The following NDE1 variants were observed in gnomAD, a reference collection of about 807,000 sequenced individuals.
NDE1 encodes the protein nudE neurodevelopment protein 1.
In NDE1, 28 loss-of-function variants were observed where a neutral mutation model predicts 43.4. The ratio of observed to expected loss-of-function variants is 0.65; its 90% CI spans 0.48 to 0.89. The LOEUF (loss-of-function observed/expected upper bound fraction) is 0.89. Ranked by LOEUF, NDE1 falls within the 40% of genes least tolerant of loss-of-function variation. NDE1 has a pLI of 0.00. For missense variants in NDE1, 441 were observed against 434.1 expected (o/e 1.02, Z -0.14); for synonymous variants, 184 against 172.0 (o/e 1.07, Z -0.55).
intron 8 of NDE1, chr16:15,708,861 C>G: frequency 6.2e-7 from 1 of 1,608,192 alleles, no homozygotes; most frequent in East Asian, 2.2e-5. Context: ...AGAGAGAATC[C>G]CCGGAGGTTA....
In NDE1 at chr16:15,719,671, C is replaced by T. The variant is rs2040362299; in HGVS notation, c.948-4520C>T. ...GTGGCAAAGATCTCATCTCTGGAGG[C>T]ACGGGCATCTTCCAGCTCTCTTTGA... is the stretch of plus-strand genomic sequence containing the variant. On this transcript the variant is annotated intron_variant, in intron 8 of 8. Transcript: ENST00000396354. 3.1e-6 allele frequency: 5 copies of T among 1,614,082 alleles called. No individual in the cohort carries two copies. In the South Asian group the frequency reaches 5.5e-5, roughly 18 times the overall value.
intron 1 of NDE1, among the ~76,000 whole-genome samples, chr16:15,650,821 C>G (rs2036463874): frequency 6.6e-6 from 1 of 152,138 alleles, no homozygotes; most frequent in Non-Finnish European, 1.5e-5. Context: ...TGCAGCGTTG[C>G]CCCTGCCCTC....
chr16:15,665,873 C>T (rs368936823), intron 2 of NDE1, among the ~76,000 whole-genome samples: 9 of 152,042 alleles, frequency 5.9e-5, no homozygotes, highest in African/African-American at 2.2e-4. Context: ...TCTCTTGCCT[C>T]AGCCTCCCGA....
chr16:15,723,112 T>A (rs2040571300), intron 8 of NDE1, among the ~76,000 whole-genome samples: 1 of 152,238 alleles, frequency 6.6e-6, no homozygotes, highest in Non-Finnish European at 1.5e-5. Context: ...AATAATAATG[T>A]ATCTTAAAAG....
At chr16:15,711,591 G>T (rs542165886) in intron 8 of NDE1, among the ~76,000 whole-genome samples, 1 of 152,342 alleles carries the variant, frequency 6.6e-6, no homozygotes, top group African/African-American at 2.4e-5. Flanking sequence ...ATTAAAGGTA[G>T]TAAGAGGCTC....
intron 4 of NDE1, chr16:15,684,515 C>A (rs1325723410): frequency 6.6e-6 from 1 of 151,128 alleles, no homozygotes; most frequent in South Asian, 2.1e-4. Context: ...ATCATTTGAA[C>A]CCCGGAGGCA....
In NDE1 at chr16:15,699,562, G is replaced by T. The variant is rs759545440; in HGVS notation, c.947+2702G>T. Reference sequence around the variant, plus strand: ...TTTTGTGTGACCTTGGAATCTGAGAGCCAGGTAGCCAGTGTCCTCTTCTTC... The same window carrying T: ...TTTTGTGTGACCTTGGAATCTGAGATCCAGGTAGCCAGTGTCCTCTTCTTC... On this transcript the variant is annotated intron_variant, in intron 8 of 8. Coordinates refer to ENST00000396354, the MANE Select transcript of NDE1 (RefSeq NM_017668.3). 3 of 1,186,510 alleles carry T rather than the reference G, an allele frequency of 2.5e-6. No homozygotes were observed. The South Asian group carries it at 4.7e-5, about 19-fold the overall frequency. The allele number at this position is 1,186,510 out of a possible 1,614,324, so 73.5% of individuals were successfully genotyped here. A position where few individuals can be genotyped will look rare whatever the true frequency, so the allele number is the denominator to read the frequency against.
At chr16:15,644,862 T>A (rs925330478) in intron 1 of NDE1, among the ~76,000 whole-genome samples, 5 of 151,838 alleles carry the variant, frequency 3.3e-5, no homozygotes, top group East Asian at 3.9e-4. Flanking sequence ...TTGCTTTTTT[T>A]AAAAAATAGT....
intron 8 of NDE1, among the ~76,000 whole-genome samples, chr16:15,711,917 T>A (rs2039821165): frequency 6.6e-6 from 1 of 152,194 alleles, no homozygotes; most frequent in South Asian, 2.1e-4. Context: ...GGCCTTGAAC[T>A]CCTGACCTCA....
At chr16:15,690,744 C>G (rs1022292448) in intron 5 of NDE1, among the ~76,000 whole-genome samples, 9 of 151,942 alleles carry the variant, frequency 5.9e-5, no homozygotes, top group South Asian at 2.1e-4. Context: ...GGTCTTTTTT[C>G]TGACTGGTAT....
At chr16:15,669,890 C>T (rs544794410) in intron 3 of NDE1, among the ~76,000 whole-genome samples, 52 of 152,330 alleles carry the variant, frequency 3.4e-4, no homozygotes, top group African/African-American at 1.2e-3. Context: ...AAAAGCACCT[C>T]TAGACATAGC....
intron 4 of NDE1, chr16:15,686,286 A>G (rs1567647767): frequency 3.6e-6 from 3 of 831,734 alleles, no homozygotes; most frequent in Non-Finnish European, 4.3e-6. Context: ...CCCCACCACA[A>G]TCCTGCATGA....
intron 3 of NDE1, among the ~76,000 whole-genome samples, chr16:15,672,188 A>C (rs2037630877): frequency 6.6e-6 from 1 of 152,022 alleles, no homozygotes; most frequent in Non-Finnish European, 1.5e-5. Context: ...TAATGCCAGC[A>C]CTTTGGGAGA....
Position 15,724,906 on chromosome 16 carries a change from G to A in NDE1, c.*655G>A. On this transcript the variant is annotated 3_prime_UTR_variant, in exon 9 of 9. Coordinates refer to ENST00000396354, the MANE Select transcript of NDE1 (RefSeq NM_017668.3). The stretch of plus-strand genomic sequence containing the variant: ...CACTCACCTGGGTGTCCTGGAGCTG[G>A]GAACTGAGGGACGCCACGTCCTTGG... 1.9e-6 allele frequency: 3 copies of A among 1,614,150 alleles called. No homozygotes were observed. The highest frequency in any genetic ancestry group is 2.5e-6 in the Non-Finnish European group (3 of 1,180,032).
At chr16:15,701,803 C>T (rs913504952) in intron 8 of NDE1, 6 of 152,176 alleles carry the variant, frequency 3.9e-5, no homozygotes, top group African/African-American at 1.4e-4. Flanking sequence ...TGAAATTCCG[C>T]AGAGAATTAC....
intron 3 of NDE1, among the ~76,000 whole-genome samples, chr16:15,674,833 T>C (rs915812849): frequency 6.6e-6 from 1 of 152,064 alleles, no homozygotes; most frequent in African/African-American, 2.4e-5. Context: ...CATCTCAGCC[T>C]CCTAACTGGG....
intron 1 of NDE1, among the ~76,000 whole-genome samples, chr16:15,657,807 G>A (rs913268409): frequency 2.6e-5 from 4 of 152,004 alleles, no homozygotes; most frequent in African/African-American, 9.7e-5. Flanking sequence ...TCACCATGTT[G>A]CCCAGGCTGG....
At chr16:15,707,186 G>A (rs1567672492) in intron 8 of NDE1, among the ~76,000 whole-genome samples, 1 of 152,198 alleles carries the variant, frequency 6.6e-6, no homozygotes, top group East Asian at 1.9e-4. Context: ...CTACAGACAT[G>A]CCACCACTCC....
At chr16:15,690,369 T>TTC (rs2038689657) in intron 5 of NDE1, among the ~76,000 whole-genome samples, 3 of 127,052 alleles carry the variant, frequency 2.4e-5, no homozygotes, top group Non-Finnish European at 3.3e-5. Flanking sequence ...TTTTTTTTTT[T>TTC]TTTTTTTTTT....
Sources: gnomAD v4.1 joint callset for allele counts (sites outside exome capture counted in the v4.1 genomes callset) on GRCh38, gnomAD v4.1.1 for gene constraint, MANE v1.5 for transcripts, NCBI Gene and HGNC (gene_info 2026-07-23, HGNC 2026-07-21) for gene names.